Variants in PCDH15 observed in about 807,000 individuals in gnomAD.
PCDH15 encodes the protein protocadherin related 15.
In PCDH15, 129 loss-of-function variants were observed where a neutral mutation model predicts 178.5. That is an observed-to-expected ratio of 0.72 (90% CI 0.63 to 0.84). The LOEUF is 0.84. PCDH15 is among the 40% of genes least tolerant of loss of function. The pLI is 0.00. For missense variants in PCDH15, 2,230 were observed against 2,099.9 expected (o/e 1.06, Z -1.21); for synonymous variants, 800 against 732.0 (o/e 1.09, Z -1.50).
intron 13 of PCDH15, among the ~76,000 whole-genome samples, chr10:54,166,190 C>T (rs555051305): frequency 2.4e-4 from 36 of 152,284 alleles, no homozygotes; most frequent in Admixed American, 2.0e-3. Flanking sequence ...TATCTGAGTA[C>T]TCTAACAGAT....
chr10:54,931,497 G>A (rs570474120), intron 2 of PCDH15, among the ~76,000 whole-genome samples: 18 of 152,252 alleles, frequency 1.2e-4, no homozygotes, highest in African/African-American at 4.3e-4. Context: ...ATTCCCTGGA[G>A]CAGATGGATA....
chr10:53,890,377 G>A (rs567470289), intron 26 of PCDH15, among the ~76,000 whole-genome samples: 21 of 152,270 alleles, frequency 1.4e-4, no homozygotes, highest in African/African-American at 5.1e-4. Flanking sequence ...AGTGAGCTGA[G>A]ATGGTGCCAC....
intron 8 of PCDH15, among the ~76,000 whole-genome samples, chr10:54,252,895 G>T (rs1418376286): frequency 6.6e-6 from 1 of 151,506 alleles, no homozygotes; most frequent in Non-Finnish European, 1.5e-5. Flanking sequence ...TTTCTGATCT[G>T]TACTATAGTT....
intron 21 of PCDH15, among the ~76,000 whole-genome samples, chr10:53,972,907 G>C (rs574035162): frequency 3.3e-5 from 5 of 152,158 alleles, no homozygotes; most frequent in Non-Finnish European, 7.3e-5. Flanking sequence ...TCTAGAACTA[G>C]AAATACCATT....
chr10:55,288,264 G>A (rs1250348315), intron 1 of PCDH15, among the ~76,000 whole-genome samples: 2 of 150,230 alleles, frequency 1.3e-5, no homozygotes, highest in African/African-American at 4.9e-5. Context: ...ATCTAGTATC[G>A]AATAGACATG....
intron 23 of PCDH15, among the ~76,000 whole-genome samples, chr10:53,957,010 A>T (rs2087678270): frequency 6.6e-6 from 1 of 152,200 alleles, no homozygotes; most frequent in South Asian, 2.1e-4. Flanking sequence ...CCCTGTTTCA[A>T]TTTATGACCT....
At chr10:55,198,064 A>T (rs891877479) in intron 1 of PCDH15, among the ~76,000 whole-genome samples, 1 of 152,146 alleles carries the variant, frequency 6.6e-6, no homozygotes, top group African/African-American at 2.4e-5. Flanking sequence ...ATAGATAGAT[A>T]GTGAATGGTA....
intron 2 of PCDH15, among the ~76,000 whole-genome samples, chr10:54,612,066 A>G (rs2092979989): frequency 6.6e-6 from 1 of 151,866 alleles, no homozygotes; most frequent in African/African-American, 2.4e-5. Flanking sequence ...CCTTCTGGTT[A>G]TTTCTACAAA....
At chr10:54,642,331 A>T (rs904221224) in intron 2 of PCDH15, among the ~76,000 whole-genome samples, 7 of 152,168 alleles carry the variant, frequency 4.6e-5, no homozygotes, top group Non-Finnish European at 1.0e-4. Flanking sequence ...AAGCAGTTTA[A>T]AGTGTTATGT....
At chr10:54,944,257 A>C (rs1363656881) in intron 2 of PCDH15, among the ~76,000 whole-genome samples, 2 of 151,878 alleles carry the variant, frequency 1.3e-5, no homozygotes, top group Non-Finnish European at 2.9e-5. Flanking sequence ...ATGTAGCTCT[A>C]TTTCCCCACA....
Position 54,734,649 on chromosome 10 carries a change from C to T in PCDH15, c.-29+66276G>A, listed in dbSNP as rs142435558. Among the ~76,000 whole-genome samples, 18 of 151,890 alleles carry T rather than the reference C, an allele frequency of 1.2e-4. No individual in the cohort carries two copies. The East Asian group carries it at 2.7e-3, about 23-fold the overall frequency. On this transcript the variant is annotated intron_variant, in intron 1 of 37. Transcript: ENST00000644397. ...ATAATGGTGAAAAATGGTAAGCAATCGAAATGCCTTTCAGCTAATAAAAAG... is the reference window on the plus strand; with the variant it reads ...ATAATGGTGAAAAATGGTAAGCAATTGAAATGCCTTTCAGCTAATAAAAAG...
At chr10:54,218,042 C>T (rs1203215353) in intron 9 of PCDH15, among the ~76,000 whole-genome samples, 1 of 151,876 alleles carries the variant, frequency 6.6e-6, no homozygotes, top group Non-Finnish European at 1.5e-5. Flanking sequence ...TGCAAAATAA[C>T]GTATTGATCA....
intron 5 of PCDH15, among the ~76,000 whole-genome samples, chr10:54,353,842 C>A (rs1430263638): frequency 6.6e-6 from 1 of 151,854 alleles, no homozygotes. Flanking sequence ...AAATAATAGA[C>A]AAATTCATGT....
chr10:55,056,520 T>C (rs1477766454), intron 2 of PCDH15, among the ~76,000 whole-genome samples: 2 of 61,170 alleles, frequency 3.3e-5, no homozygotes, highest in African/African-American at 1.1e-4. Context: ...CTTCAAAATC[T>C]AAGTTTCCAT....
At chr10:54,205,727 TC>T (rs1198390820) in intron 10 of PCDH15, among the ~76,000 whole-genome samples, 1 of 152,092 alleles carries the variant, frequency 6.6e-6, no homozygotes, top group African/African-American at 2.4e-5. Context: ...TACAGGAGCC[TC>T]CTTTTATTCA....
chr10:54,481,978 A>G (rs1201698296), intron 3 of PCDH15, among the ~76,000 whole-genome samples: 3 of 151,920 alleles, frequency 2.0e-5, no homozygotes, highest in Admixed American at 1.3e-4. Context: ...GAGAGGAACA[A>G]TGAAAAATCC....
intron 2 of PCDH15, among the ~76,000 whole-genome samples, chr10:54,973,737 T>C (rs1351959214): frequency 2.6e-5 from 4 of 152,070 alleles, no homozygotes; most frequent in Admixed American, 6.6e-5. Context: ...GTTAAAATTA[T>C]CTAAGGGAGT....
chr10:54,398,548 G>GTT (rs1951534153), intron 3 of PCDH15, among the ~76,000 whole-genome samples: 1 of 151,910 alleles, frequency 6.6e-6, no homozygotes, highest in Non-Finnish European at 1.5e-5. Context: ...TTTAGAAAAG[G>GTT]TCAAGACCAC....
At position 54,049,057 on chromosome 10, in the gene PCDH15, T is replaced by C. The variant is rs957784129; in HGVS notation, c.2220+17700A>G. On this transcript the variant is annotated intron_variant, in intron 18 of 37. Coordinates refer to ENST00000644397, the MANE Select transcript of PCDH15 (RefSeq NM_001384140.1). Reference sequence around the variant, plus strand: ...TCTATGATTTCTTTCAGCAGTGTTTTGTAGGTCTCCTTGTAGCAATCTTCC... The same window carrying C: ...TCTATGATTTCTTTCAGCAGTGTTTCGTAGGTCTCCTTGTAGCAATCTTCC... Among the ~76,000 whole-genome samples, 4 of 152,204 alleles carry C rather than the reference T, an allele frequency of 2.6e-5. No homozygotes were observed. In the South Asian group the frequency reaches 6.2e-4, roughly 24 times the overall value.
Sources: gnomAD v4.1 joint callset for allele counts (sites outside exome capture counted in the v4.1 genomes callset) on GRCh38, gnomAD v4.1.1 for gene constraint, MANE v1.5 for transcripts, NCBI Gene and HGNC (gene_info 2026-07-23, HGNC 2026-07-21) for gene names.